ERC2: variants seen among roughly 807,000 people sequenced by gnomAD.
The protein encoded by ERC2 is ELKS/RAB6-interacting/CAST family member 2, also known as ERC protein 2.
A neutral mutation model predicts 114.8 loss-of-function variants in ERC2; 42 were observed. That is an observed-to-expected ratio of 0.37 (90% CI 0.29 to 0.47). The LOEUF (loss-of-function observed/expected upper bound fraction) is 0.47. ERC2 is among the 20% of genes least tolerant of loss of function. The probability of loss-of-function intolerance (pLI) is 0.99; values close to 1 mark genes in which losing one functional copy is unlikely to be tolerated. For missense variants in ERC2, 939 were observed against 1,150.7 expected (o/e 0.82, Z 2.66); for synonymous variants, 454 against 425.5 (o/e 1.07, Z -0.82).
At chr3:55,814,254 T>C (rs2059826644) in intron 14 of ERC2, among the ~76,000 whole-genome samples, 1 of 152,166 alleles carries the variant, frequency 6.6e-6, no homozygotes, top group Non-Finnish European at 1.5e-5. Flanking sequence ...AATCCAACCT[T>C]CAGGGTTATT....
chr3:56,359,313 T>C (rs555957768), intron 2 of ERC2, among the ~76,000 whole-genome samples: 3 of 152,242 alleles, frequency 2.0e-5, no homozygotes, highest in South Asian at 2.1e-4. Flanking sequence ...GCCAAGAATA[T>C]ACAGCTTAGA....
At chr3:55,986,582 T>C (rs2070654696) in intron 11 of ERC2, among the ~76,000 whole-genome samples, 1 of 152,108 alleles carries the variant, frequency 6.6e-6, no homozygotes, top group South Asian at 2.1e-4. Context: ...AAAGACCCCC[T>C]GAGGAGGGCT....
chr3:55,760,310 A>G (rs1374246169), intron 14 of ERC2, among the ~76,000 whole-genome samples: 1 of 152,150 alleles, frequency 6.6e-6, no homozygotes, highest in African/African-American at 2.4e-5. Context: ...AATGTAAGCA[A>G]ATACTTTAGT....
At chr3:55,855,834 T>C (rs987011894) in intron 14 of ERC2, among the ~76,000 whole-genome samples, 4 of 152,260 alleles carry the variant, frequency 2.6e-5, no homozygotes, top group Non-Finnish European at 5.9e-5. Flanking sequence ...ACTTTCTTTG[T>C]TGAAATATAC....
intron 9 of ERC2, 130 bp downstream of exon 9, chr3:56,010,319 A>G: frequency 8.6e-7 from 1 of 1,164,492 alleles, no homozygotes; most frequent in Non-Finnish European, 1.2e-6. Context: ...GCAGCTTTAC[A>G]AAAGAAAGGT....
intron 5 of ERC2, among the ~76,000 whole-genome samples, chr3:56,141,963 T>C (rs2080882189): frequency 1.3e-5 from 2 of 152,200 alleles, no homozygotes; most frequent in Non-Finnish European, 2.9e-5. Flanking sequence ...GTAGGAAGTG[T>C]TCCTTCCTTT....
At chr3:55,519,042 C>T (rs1164551797) in intron 17 of ERC2, among the ~76,000 whole-genome samples, 1 of 152,174 alleles carries the variant, frequency 6.6e-6, no homozygotes, top group African/African-American at 2.4e-5. Flanking sequence ...AAACAGAACA[C>T]CTGCACTCTG....
intron 14 of ERC2, among the ~76,000 whole-genome samples, chr3:55,833,383 G>A (rs2060711650): frequency 6.6e-6 from 1 of 151,146 alleles, no homozygotes; most frequent in African/African-American, 2.5e-5. Flanking sequence ...CCCACAAAGG[G>A]AATCCCATCA....
chr3:56,018,859 T>C (rs748613011), intron 8 of ERC2, 35 bp downstream of exon 8: 11 of 1,602,944 alleles, frequency 6.9e-6, no homozygotes, highest in African/African-American at 4.0e-5. Flanking sequence ...TGTTTCCCCA[T>C]ATCCTGATTC....
At chr3:55,729,169 G>A (rs186747017) in intron 15 of ERC2, among the ~76,000 whole-genome samples, 209 of 152,298 alleles carry the variant, frequency 1.4e-3, no homozygotes, top group Non-Finnish European at 2.7e-3. Context: ...ATCCTGCACA[G>A]GAGTCCTACA....
At chr3:56,405,981 C>T (rs1485242102) in intron 2 of ERC2, among the ~76,000 whole-genome samples, 1 of 150,852 alleles carries the variant, frequency 6.6e-6, no homozygotes, top group African/African-American at 2.4e-5. Flanking sequence ...CAACCTCCAC[C>T]TCCCAGGTTC....
At chr3:55,728,430 G>A (rs143378181) in intron 15 of ERC2, among the ~76,000 whole-genome samples, 1 of 152,322 alleles carries the variant, frequency 6.6e-6, no homozygotes, top group Non-Finnish European at 1.5e-5. Flanking sequence ...AAGTGATGTT[G>A]GACTGAGATT....
intron 2 of ERC2, among the ~76,000 whole-genome samples, chr3:56,356,840 T>C (rs2058763692): frequency 6.6e-6 from 1 of 152,188 alleles, no homozygotes; most frequent in East Asian, 1.9e-4. Flanking sequence ...ACTGATCTGG[T>C]TTAATTTTCC....
At position 55,764,871 on chromosome 3, in the gene ERC2, C is replaced by T. The variant is rs186374199; in HGVS notation, c.2565-29953G>A. On this transcript the variant is annotated intron_variant, in intron 14 of 17. Transcript: ENST00000288221. ...CATTGCATGTAGCCTAATGTGACTA[C>T]GGGCAAACAACAGAATATGCAGTGG... is the stretch of plus-strand genomic sequence containing the variant. Among the ~76,000 whole-genome samples the T allele has an allele frequency of 3.4e-4, 52 of 152,210 alleles. 1 individual carries two copies. In the East Asian group the frequency reaches 8.7e-3, roughly 25 times the overall value.
At chr3:55,808,703 ATATATATATATAT>A (rs2059586803) in intron 14 of ERC2, among the ~76,000 whole-genome samples, 2 of 20,238 alleles carry the variant, frequency 9.9e-5, no homozygotes, top group Non-Finnish European at 2.2e-4. Context: ...CCATAATTTT[ATATATATATATAT>A]ATATATATAT....
intron 4 of ERC2, among the ~76,000 whole-genome samples, chr3:56,161,461 T>C (rs1472469448): frequency 6.6e-6 from 1 of 152,230 alleles, no homozygotes; most frequent in Non-Finnish European, 1.5e-5. Context: ...TTGATAGGAA[T>C]AGCATTGAAT....
intron 13 of ERC2, among the ~76,000 whole-genome samples, chr3:55,949,602 G>C (rs2067358029): frequency 6.6e-6 from 1 of 151,914 alleles, no homozygotes; most frequent in Non-Finnish European, 1.5e-5. Flanking sequence ...TTTCTCTTTT[G>C]GCCAATTAAA....
chr3:55,696,555 T>G (rs1247538852), intron 16 of ERC2, among the ~76,000 whole-genome samples: 1 of 152,248 alleles, frequency 6.6e-6, no homozygotes, highest in African/African-American at 2.4e-5. Flanking sequence ...AAGAAACATA[T>G]ACTCATATGT....
chr3:55,730,496 C>T (rs951646666), intron 15 of ERC2, among the ~76,000 whole-genome samples: 1 of 152,220 alleles, frequency 6.6e-6, no homozygotes, highest in African/African-American at 2.4e-5. Context: ...ATTTACTGAG[C>T]ACCTACTATG....
Sources: allele counts gnomAD v4.1 joint callset (sites outside exome capture counted in the v4.1 genomes callset), GRCh38; gene constraint gnomAD v4.1.1; transcripts MANE v1.5; gene names NCBI Gene and HGNC (gene_info 2026-07-23, HGNC 2026-07-21).